The following LTBP1 variants were observed in gnomAD, a reference collection of about 807,000 sequenced individuals.
LTBP1 encodes latent transforming growth factor beta binding protein 1.
In LTBP1, 129 loss-of-function variants were observed where a neutral mutation model predicts 207.6. The observed-to-expected ratio is 0.62, with a 90% CI of 0.54 to 0.72. The LOEUF is 0.72. Ranked by LOEUF, LTBP1 falls within the 30% of genes least tolerant of loss-of-function variation. The pLI is 0.00. For missense variants in LTBP1, 2,281 were observed against 2,217.2 expected (o/e 1.03, Z -0.58); for synonymous variants, 963 against 833.7 (o/e 1.16, Z -2.67).
At chr2:33,228,543 G>T (rs1471869414) in intron 9 of LTBP1, among the ~76,000 whole-genome samples, 1 of 151,866 alleles carries the variant, frequency 6.6e-6, no homozygotes, top group Non-Finnish European at 1.5e-5. Context: ...ATTTACTATG[G>T]GTTAGTCCAT....
At chr2:33,102,684 T>C (rs2079804096) in intron 3 of LTBP1, among the ~76,000 whole-genome samples, 1 of 152,262 alleles carries the variant, frequency 6.6e-6, no homozygotes, top group Non-Finnish European at 1.5e-5. Context: ...ACTTTTGCTG[T>C]GTTTTTCTGG....
At chr2:33,193,203 G>T (rs905048669) in intron 7 of LTBP1, among the ~76,000 whole-genome samples, 1 of 152,072 alleles carries the variant, frequency 6.6e-6, no homozygotes, top group African/African-American at 2.4e-5. Flanking sequence ...GAGTGCAGTG[G>T]AGCAGAGGTG....
At chr2:33,121,177 T>TTTTTTTA in intron 4 of LTBP1, among the ~76,000 whole-genome samples, 1 of 148,114 alleles carries the variant, frequency 6.8e-6, no homozygotes, top group Non-Finnish European at 1.5e-5. Context: ...TTTTTTTTTT[T>TTTTTTTA]TTTTTTAGTT....
chr2:33,292,735 C>T (rs2093798596), intron 19 of LTBP1, among the ~76,000 whole-genome samples: 1 of 152,154 alleles, frequency 6.6e-6, no homozygotes, highest in Admixed American at 6.5e-5. Flanking sequence ...TGTGATTTCT[C>T]TGGGTCATGA....
At chr2:33,057,332 C>G (rs1040055557) in intron 3 of LTBP1, among the ~76,000 whole-genome samples, 5 of 152,234 alleles carry the variant, frequency 3.3e-5, no homozygotes, top group African/African-American at 1.2e-4. Flanking sequence ...TTCTCCAAGT[C>G]CCCACTAGAC....
intron 24 of LTBP1, among the ~76,000 whole-genome samples, chr2:33,325,866 T>A (rs1202074515): frequency 6.6e-6 from 1 of 152,186 alleles, no homozygotes. Flanking sequence ...TTTTGGGGGC[T>A]TTCTTCTTTT....
Position 33,293,137 on chromosome 2 carries a change from TCCA to T in LTBP1, c.3113-22_3113-20del. 1.2e-6 allele frequency: 2 copies of T among 1,602,070 alleles called. No homozygotes were observed. Among genetic ancestry groups the T allele is most frequent in the African/African-American group, 2.7e-5 (2 of 74,106 alleles). ...TTCTTTTTCTTCTTTTTTTGTTCTT[TCCA>T]TTACGCAACATTCTTCAAGATGTGG... is the stretch of plus-strand genomic sequence containing the variant. On this transcript the variant is annotated intron_variant, in intron 19 of 33. Transcript: ENST00000404816.
chr2:33,281,698 C>T (rs548997785), intron 19 of LTBP1, among the ~76,000 whole-genome samples: 1 of 152,280 alleles, frequency 6.6e-6, no homozygotes, highest in African/African-American at 2.4e-5. Context: ...AGAGTCTCTG[C>T]TGATGGAGTT....
chr2:33,264,467 T>C (rs2093118580), intron 15 of LTBP1, among the ~76,000 whole-genome samples: 1 of 152,144 alleles, frequency 6.6e-6, no homozygotes, highest in Non-Finnish European at 1.5e-5. Context: ...TAGCATAAAA[T>C]GTTTTATATT....
chr2:32,971,635 G>A (rs1189790312), intron 2 of LTBP1, among the ~76,000 whole-genome samples: 2 of 152,266 alleles, frequency 1.3e-5, no homozygotes, highest in South Asian at 2.1e-4. Context: ...ACATCCCAGC[G>A]ATAAAGCCTA....
intron 3 of LTBP1, among the ~76,000 whole-genome samples, chr2:33,094,406 A>G (rs1269273862): frequency 6.6e-6 from 1 of 152,180 alleles, no homozygotes; most frequent in Non-Finnish European, 1.5e-5. Context: ...CATTGTTGAC[A>G]TTTACTTAAT....
chr2:33,025,502 C>G (rs2075374075), intron 3 of LTBP1, among the ~76,000 whole-genome samples: 2 of 152,112 alleles, frequency 1.3e-5, no homozygotes, highest in Admixed American at 6.5e-5. Context: ...AACACATTAA[C>G]CAATCACAGT....
chr2:33,190,803 AAC>A (rs1431021909), intron 7 of LTBP1, among the ~76,000 whole-genome samples: 2 of 152,184 alleles, frequency 1.3e-5, no homozygotes, highest in African/African-American at 4.8e-5. Flanking sequence ...CGATCCCACA[AAC>A]ACAGCCCTCA....
intron 31 of LTBP1, among the ~76,000 whole-genome samples, 194 bp from the exon 32 acceptor site, chr2:33,388,990 G>T (rs1574126588): frequency 6.6e-6 from 1 of 152,176 alleles, no homozygotes; most frequent in East Asian, 1.9e-4. Context: ...ATGCTGTACA[G>T]CAGTCGTTGT....
In LTBP1 at chr2:33,071,646, C is replaced by CAAG. The variant is rs386389876; in HGVS notation, c.864-38935_864-38933dup. Among the ~76,000 whole-genome samples, 6 of 151,856 alleles carry CAAG rather than the reference C, an allele frequency of 4.0e-5. No individual in the cohort carries two copies. In the South Asian group the frequency reaches 6.3e-4, roughly 16 times the overall value. On this transcript the variant is annotated intron_variant, in intron 3 of 33. Coordinates refer to ENST00000404816, the MANE Select transcript of LTBP1 (RefSeq NM_206943.4). Reference sequence around the variant, plus strand: ...TATAGGCTAGGTTATGATGTCGTAACAAGTCATAATCTGAGGGGCTTGAAA... The same window carrying CAAG: ...TATAGGCTAGGTTATGATGTCGTAACAAGAAGTCATAATCTGAGGGGCTTGAAA...
intron 31 of LTBP1, among the ~76,000 whole-genome samples, chr2:33,378,471 A>G (rs866041447): frequency 1.3e-5 from 2 of 151,992 alleles, no homozygotes; most frequent in African/African-American, 4.8e-5. Flanking sequence ...AGCTCAGGCA[A>G]TCCACCCGCC....
chr2:33,176,866 C>A (rs1205214764), intron 5 of LTBP1, among the ~76,000 whole-genome samples: 1 of 152,140 alleles, frequency 6.6e-6, no homozygotes, highest in Non-Finnish European at 1.5e-5. Flanking sequence ...TTTATATGTT[C>A]TTCTCATTGC....
At chr2:33,294,880 A>G (rs1280398633) in intron 20 of LTBP1, among the ~76,000 whole-genome samples, 1 of 151,784 alleles carries the variant, frequency 6.6e-6, no homozygotes, top group Non-Finnish European at 1.5e-5. Context: ...CCTGGCAAAA[A>G]TGTTCTGAAT....
chr2:33,398,264 TTGGGGTGG>T, intron 33 of LTBP1, 92 bp from the exon 34 acceptor site: 1 of 1,078,682 alleles, frequency 9.3e-7, no homozygotes, highest in Admixed American at 2.3e-5. Flanking sequence ...GAAAGCTTCC[TTGGGGTGG>T]TCGGGGGAAG....
Sources: allele counts gnomAD v4.1 joint callset (sites outside exome capture counted in the v4.1 genomes callset), GRCh38; gene constraint gnomAD v4.1.1; transcripts MANE v1.5; gene names NCBI Gene and HGNC (gene_info 2026-07-23, HGNC 2026-07-21).